Variants in UBP1 observed in about 807,000 individuals in gnomAD.
The protein encoded by UBP1 is upstream binding protein 1, also known as upstream-binding protein 1.
In UBP1, 22 loss-of-function variants were observed where a neutral mutation model predicts 76.1. That is an observed-to-expected ratio of 0.29 (90% CI 0.21 to 0.41). The LOEUF is 0.41. Ranked by LOEUF, UBP1 falls within the 10% of genes least tolerant of loss-of-function variation. The probability of loss-of-function intolerance (pLI) is 1.00; values close to 1 mark genes in which losing one functional copy is unlikely to be tolerated. For synonymous variants in UBP1, 224 were observed against 237.1 expected (o/e 0.94, Z 0.51); for missense variants, 436 against 668.1 (o/e 0.65, Z 3.83).
chr3:33,440,012 G>C lies in UBP1; in HGVS notation c.-164C>G. The C allele has an allele frequency of 1.6e-6, 1 of 638,188 alleles. No individual in the cohort carries two copies. The highest frequency in any genetic ancestry group is 2.5e-6 in the Non-Finnish European group (1 of 400,332). The allele number at this position is 638,188 out of a possible 1,614,324, so 39.5% of individuals were successfully genotyped here. On this transcript the variant is annotated 5_prime_UTR_variant, in exon 1 of 16. Transcript: ENST00000283629. ...GACGAGAGCTGCGGGGGCCCCACTGGCAGGGCACGACGAGCCCAGCGAGCA... is the reference window on the plus strand; with the variant it reads ...GACGAGAGCTGCGGGGGCCCCACTGCCAGGGCACGACGAGCCCAGCGAGCA...
intron 1 of UBP1, among the ~76,000 whole-genome samples, chr3:33,434,859 G>A (rs541655511): frequency 5.3e-5 from 8 of 150,888 alleles, no homozygotes; most frequent in African/African-American, 7.4e-5. Flanking sequence ...GCTAATTTTC[G>A]TATTTTTAGT....
chr3:33,440,813 G>A (rs1477766339), upstream of UBP1: 1 of 152,230 alleles, frequency 6.6e-6, no homozygotes, highest in Non-Finnish European at 1.5e-5. Flanking sequence ...CTGCATGGTA[G>A]AAAGCGACCC....
chr3:33,395,845 T>C (rs148307053), intron 13 of UBP1, among the ~76,000 whole-genome samples: 1 of 145,166 alleles, frequency 6.9e-6, no homozygotes, highest in East Asian at 2.0e-4. Context: ...TCAGTAAATC[T>C]GACCAAAAAA....
intron 3 of UBP1, among the ~76,000 whole-genome samples, chr3:33,413,219 G>A (rs2044636618): frequency 6.6e-6 from 1 of 152,120 alleles, no homozygotes; most frequent in Non-Finnish European, 1.5e-5. Flanking sequence ...AGAAACAATG[G>A]TAAAACTTTG....
intron 2 of UBP1, among the ~76,000 whole-genome samples, chr3:33,419,026 T>C (rs1416124128): frequency 6.6e-6 from 1 of 152,142 alleles, no homozygotes; most frequent in African/African-American, 2.4e-5. Flanking sequence ...AAAACCACAC[T>C]GAAATCATTT....
At chr3:33,431,805 T>C (rs909666604) in intron 1 of UBP1, among the ~76,000 whole-genome samples, 3 of 150,902 alleles carry the variant, frequency 2.0e-5, no homozygotes, top group South Asian at 2.1e-4. Flanking sequence ...AGGGAATCAG[T>C]TGAAAATAGG....
chr3:33,426,016 T>C (rs1278945579), intron 1 of UBP1, among the ~76,000 whole-genome samples: 1 of 97,778 alleles, frequency 1.0e-5, no homozygotes, highest in Non-Finnish European at 2.1e-5. Flanking sequence ...TATATATATA[T>C]ATATATATAT....
At chr3:33,395,328 ATCT>A (rs1315076520) in intron 13 of UBP1, among the ~76,000 whole-genome samples, 1 of 150,732 alleles carries the variant, frequency 6.6e-6, no homozygotes, top group African/African-American at 2.5e-5. Flanking sequence ...CCATTAACAC[ATCT>A]TTTTTTTTTT....
At chr3:33,418,327 C>T (rs1050643110) in intron 2 of UBP1, among the ~76,000 whole-genome samples, 1 of 152,040 alleles carries the variant, frequency 6.6e-6, no homozygotes, top group African/African-American at 2.4e-5. Flanking sequence ...AATCTCGGCT[C>T]ACTGCAACCT....
chr3:33,408,110 C>A (rs936068968), intron 8 of UBP1, among the ~76,000 whole-genome samples: 2 of 152,042 alleles, frequency 1.3e-5, no homozygotes, highest in Non-Finnish European at 2.9e-5. Flanking sequence ...ACATGAATCC[C>A]ATCAGAGTTT....
chr3:33,427,208 G>A (rs1437978833), intron 1 of UBP1, among the ~76,000 whole-genome samples: 1 of 152,094 alleles, frequency 6.6e-6, no homozygotes, highest in Non-Finnish European at 1.5e-5. Flanking sequence ...CAAGTGATCC[G>A]CCCGCCTCAG....
Position 33,388,677 on chromosome 3 carries a change from A to T in UBP1, c.*1654T>A, listed in dbSNP as rs993713147. On this transcript the variant is annotated 3_prime_UTR_variant, in exon 16 of 16. Coordinates refer to ENST00000283629, the MANE Select transcript of UBP1 (RefSeq NM_014517.5). ...TCTTTCCCCAGTGACTGGTACAGAA[A>T]ACATGTGGTCACACGAAAGCAAAGG... 6 of 152,220 alleles carry T rather than the reference A, an allele frequency of 3.9e-5. No individual in the cohort carries two copies. The highest frequency in any genetic ancestry group is 1.4e-4 in the African/African-American group (6 of 41,450). The allele number at this position is 152,220 out of a possible 1,614,324, so 9.4% of individuals were successfully genotyped here.
chr3:33,416,735 G>T (rs780410647), intron 3 of UBP1, 23 bp downstream of exon 3: 2 of 1,551,504 alleles, frequency 1.3e-6, no homozygotes, highest in African/African-American at 1.4e-5. Context: ...TATCCATTGG[G>T]AATTAAAATG....
intron 1 of UBP1, among the ~76,000 whole-genome samples, chr3:33,439,300 G>C (rs890807739): frequency 2.0e-5 from 3 of 152,328 alleles, no homozygotes; most frequent in South Asian, 4.1e-4. Flanking sequence ...AGCCAGAAAA[G>C]ATCATAATGT....
intron 1 of UBP1, among the ~76,000 whole-genome samples, chr3:33,434,438 C>T (rs2045170282): frequency 6.6e-6 from 1 of 151,256 alleles, no homozygotes; most frequent in Non-Finnish European, 1.5e-5. Context: ...GCTGCGATTA[C>T]ACGCATGCGC....
intron 2 of UBP1, among the ~76,000 whole-genome samples, chr3:33,423,168 T>C (rs1358889780): frequency 6.6e-6 from 1 of 151,894 alleles, no homozygotes; most frequent in Non-Finnish European, 1.5e-5. Flanking sequence ...GCCTCCTGAG[T>C]AGCTGGGACT....
At chr3:33,416,309 G>C (rs1224706631) in intron 3 of UBP1, among the ~76,000 whole-genome samples, 5 of 151,972 alleles carry the variant, frequency 3.3e-5, no homozygotes, top group African/African-American at 1.2e-4. Context: ...TAAAAGAACA[G>C]GTTAGCTGGA....
In UBP1 at chr3:33,409,299, C is replaced by T; in HGVS notation, c.756G>A (p.Glu252=). 1 of 1,614,138 alleles carries T rather than the reference C, an allele frequency of 6.2e-7. No homozygotes were observed. The highest frequency in any genetic ancestry group is 8.5e-7 in the Non-Finnish European group (1 of 1,180,018). ...RKQKTDREKM[E]KRTAHEKEKY... is the part of the protein sequence containing the mutation. ...TTTCTTTTTCATGAGCTGTTCTCTT[C>T]TCCATCTTCTCTCGGTCAGTTTTTT... Residue 252 remains glutamate, a synonymous_variant, in exon 7 of 16, where the codon GAG becomes GAA. Coordinates refer to ENST00000283629, the MANE Select transcript of UBP1 (RefSeq NM_014517.5).
chr3:33,403,469 T>C (rs1238805873), intron 8 of UBP1: 1 of 150,632 alleles, frequency 6.6e-6, no homozygotes, highest in Non-Finnish European at 1.4e-5. Flanking sequence ...ATCAACTGTG[T>C]ACAGTACTAC....
Sources: allele counts gnomAD v4.1 joint callset (sites outside exome capture counted in the v4.1 genomes callset), GRCh38; gene constraint gnomAD v4.1.1; transcripts MANE v1.5; gene names NCBI Gene and HGNC (gene_info 2026-07-23, HGNC 2026-07-21).